CEP131: variants seen among roughly 807,000 people sequenced by gnomAD.
The protein encoded by CEP131 is centrosomal protein of 131 kDa.
Under a neutral mutation model 136.8 loss-of-function variants are expected in CEP131, and 99 were observed. The observed-to-expected ratio is 0.72, with a 90% CI of 0.62 to 0.86. The LOEUF (loss-of-function observed/expected upper bound fraction) is 0.86, where lower values mean the gene tolerates loss of function less well. Among genes scored for constraint, CEP131 ranks in the 40% least tolerant of loss-of-function variants. CEP131 has a pLI of 0.00. For missense variants in CEP131, 1,459 were observed against 1,463.0 expected, an observed-to-expected ratio of 1.00 and a Z score of 0.04; for synonymous variants, 646 against 612.7, an observed-to-expected ratio of 1.05 and a Z score of -0.80.
chr17:81,201,095 C>T (rs1487052313), intron 7 of CEP131, among the ~76,000 whole-genome samples: 1 of 152,122 alleles, frequency 6.6e-6, no homozygotes, highest in Non-Finnish European at 1.5e-5. Context: ...AAAAAAAATG[C>T]TTCACCTTGG....
At chr17:81,212,130 CA>C (rs1303210878) in intron 2 of CEP131, among the ~76,000 whole-genome samples, 1 of 151,184 alleles carries the variant, frequency 6.6e-6, no homozygotes, top group Non-Finnish European at 1.5e-5. Context: ...GCCTGGCCAC[CA>C]TGGTGAAACC....
At chr17:81,199,320 G>A in intron 10 of CEP131, 61 bp downstream of exon 10, 1 of 1,498,152 alleles carries the variant, frequency 6.7e-7, no homozygotes, top group East Asian at 2.4e-5. Context: ...CACAAGGGCT[G>A]CACTTCCTTC....
chr17:81,201,316 C>T (rs8079383), intron 7 of CEP131, among the ~76,000 whole-genome samples: 51,359 of 152,008 alleles, frequency 0.34, 9,269 homozygotes, highest in Non-Finnish European at 0.39. Flanking sequence ...GTGACGGCTC[C>T]GCCAGGAGCA....
At position 81,191,371 on chromosome 17, in the gene CEP131, G is replaced by T. The variant is rs869370; in HGVS notation, c.2623-36C>A. The T allele has an allele frequency of 1.1e-5, 18 of 1,611,358 alleles. No homozygotes were observed. In the African/African-American group the frequency reaches 2.3e-4, roughly 20 times the overall value. On this transcript the variant is annotated intron_variant, in intron 21 of 25. Transcript: ENST00000450824. ...ATGCGCTGCCTGGGGGTTGCCACCCGGAGCCGGCCCGCGGGGCCAGGGCCA... is the reference window on the plus strand; with the variant it reads ...ATGCGCTGCCTGGGGGTTGCCACCCTGAGCCGGCCCGCGGGGCCAGGGCCA...
intron 7 of CEP131, among the ~76,000 whole-genome samples, chr17:81,200,907 C>A (rs2061876749): frequency 6.6e-6 from 1 of 152,164 alleles, no homozygotes; most frequent in African/African-American, 2.4e-5. Flanking sequence ...TGGCTGCTGG[C>A]ATCTGGGCGG....
chr17:81,209,052 G>T (rs760652432), intron 2 of CEP131, 30 bp from the exon 3 acceptor site: 1 of 1,507,064 alleles, frequency 6.6e-7, no homozygotes, highest in Non-Finnish European at 9.2e-7. Flanking sequence ...AGTTAATTAT[G>T]CAGCAAAGGC....
chr17:81,204,867 G>A (rs538757934), intron 5 of CEP131, among the ~76,000 whole-genome samples: 72 of 152,040 alleles, frequency 4.7e-4, no homozygotes, highest in African/African-American at 1.5e-3. Context: ...CTTGGAGCGC[G>A]GCTCATCTGC....
intron 2 of CEP131, among the ~76,000 whole-genome samples, chr17:81,216,658 C>G (rs901732540): frequency 2.0e-5 from 3 of 152,240 alleles, no homozygotes; most frequent in Non-Finnish European, 4.4e-5. Context: ...AGAAACAGAA[C>G]AGTGGCCGCC....
rs190045272 is a variant in CEP131, at chr17:81,211,889, T to C, written c.178-2867A>G. ...TAGAGGTTGTAGTGAGCTATGATAG[T>C]GTCACTGCACTCCAACCTGGGCAAC... On this transcript the variant is annotated intron_variant, in intron 2 of 25. Coordinates refer to ENST00000450824, the MANE Select transcript of CEP131 (RefSeq NM_014984.4). Among the ~76,000 whole-genome samples the C allele has an allele frequency of 3.3e-3, 483 of 145,152 alleles. 1 individual carries two copies. The highest frequency in any genetic ancestry group is 0.012 in the African/African-American group (449 of 38,672).
In CEP131 at chr17:81,210,973, C is replaced by A. The variant is rs147814262; in HGVS notation, c.178-1951G>T. On this transcript the variant is annotated intron_variant, in intron 2 of 25. Coordinates refer to ENST00000450824, the MANE Select transcript of CEP131 (RefSeq NM_014984.4). ...GAAAGTGCAGGCAGGGAGCCCAGCT[C>A]GGCGGCAGCAGAGCCGGTTAAAGGA... Among the ~76,000 whole-genome samples, 504 of 152,222 alleles carry A rather than the reference C, an allele frequency of 3.3e-3. 1 individual carries two copies. The highest frequency in any genetic ancestry group is 0.011 in the African/African-American group (469 of 41,538).
intron 2 of CEP131, among the ~76,000 whole-genome samples, chr17:81,212,770 T>TG (rs770796031): frequency 0.01 from 1,579 of 150,814 alleles, 21 homozygotes; most frequent in South Asian, 0.033. Context: ...TCAGCAAGCG[T>TG]CGGGGGGGCG....
At chr17:81,197,548 A>G in intron 13 of CEP131, 164 bp downstream of exon 13, 1 of 1,081,818 alleles carries the variant, frequency 9.2e-7, no homozygotes, top group Non-Finnish European at 1.3e-6. Context: ...GTACATGGTG[A>G]GGGACCACCT....
At chr17:81,197,537 G>A in intron 13 of CEP131, 175 bp downstream of exon 13, 3 of 963,512 alleles carry the variant, frequency 3.1e-6, no homozygotes, top group Non-Finnish European at 4.5e-6. Flanking sequence ...TAACTAGGTG[G>A]GTACATGGTG....
rs746558111 is a variant in CEP131 at position 81,203,471 on chromosome 17, G to A, written c.629+23C>T. ...AACTGAGGTCGGACCCCGCAGCCCC[G>A]CGGCCTCCCCAGAAGACCTTACTTG... On this transcript the variant is annotated intron_variant, in intron 6 of 25. Transcript: ENST00000450824. This position sits in a 1 kb window ranked among gnomAD's most constrained non-coding sequence, Gnocchi z 4.6. 2.4e-5 allele frequency: 38 copies of A among 1,562,602 alleles called. No individual in the cohort carries two copies. Among genetic ancestry groups the A allele is most frequent in the South Asian group, 4.7e-5 (4 of 85,760 alleles).
In CEP131 at chr17:81,203,920, A is replaced by T; in HGVS notation, c.516-313T>A. 3.1e-6 allele frequency: 1 copy of T among 318,818 alleles called. No homozygotes were observed. The highest frequency in any genetic ancestry group is 5.9e-6 in the Non-Finnish European group (1 of 169,706). 19.7% of individuals were successfully genotyped at this position (318,818 alleles called of 1,614,324 possible). ...GCAGCTCACAATCAGCTTCCAGAGC[A>T]GACTCACAGAAGCGAAGCCCCATCC... On this transcript the variant is annotated intron_variant, in intron 5 of 25. Transcript: ENST00000450824. The surrounding 1 kb of genome is among the most constrained non-coding windows in gnomAD (Gnocchi z 4.6).
Position 81,198,895 on chromosome 17 carries a change from A to T in CEP131, c.1269T>A (p.Pro423=). 1 of 1,590,022 alleles carries T rather than the reference A, an allele frequency of 6.3e-7. No homozygotes were observed. ...TSDSSPEPQQ[P]PEDRTQDVLA... is the part of the protein sequence containing the mutation. Reference sequence around the variant, plus strand: ...CTCAGACCTGCGTCCTGTCCTCTGGAGGCTGCTGTGGTTCTGGGGATGAGT... The same window carrying T: ...CTCAGACCTGCGTCCTGTCCTCTGGTGGCTGCTGTGGTTCTGGGGATGAGT... The change falls in exon 11 of 26, where the codon CCT becomes CCA. Residue 423 remains proline (P), a synonymous_variant. Coordinates refer to ENST00000450824, the MANE Select transcript of CEP131 (RefSeq NM_014984.4).
In CEP131 at chr17:81,192,737, T is replaced by A; in HGVS notation, c.2428A>T (p.Arg810Trp). 1 of 1,573,028 alleles carries A rather than the reference T, an allele frequency of 6.4e-7. No individual in the cohort carries two copies. The highest frequency in any genetic ancestry group is 2.2e-5 in the East Asian group (1 of 44,658). The change falls in exon 19 of 26, where the codon AGG becomes TGG. Residue 810 changes from arginine (R) to tryptophan (W), a missense_variant and splice_region_variant. This residue lies in a region of CEP131 where 1,026 missense variants were observed against 964.2 expected (regional missense o/e 1.06). Transcript: ENST00000450824. ...ERERLGQQAA[R>W]QRAELEELRQ... ...GGGCGTGGTGCCCCCGGGCGGCACC[T>A]GGCTGCCTGCTGGCCCAGCCGCTCC... is the stretch of plus-strand genomic sequence containing the variant.
At chr17:81,194,643 A>C (rs111931648) in intron 17 of CEP131, among the ~76,000 whole-genome samples, 2 of 152,004 alleles carry the variant, frequency 1.3e-5, no homozygotes, top group African/African-American at 4.8e-5. Flanking sequence ...GCAACTGCCT[A>C]GATGCTGGGG....
chr17:81,195,739 G>A (rs2061740079), intron 16 of CEP131, 96 bp downstream of exon 16: 1 of 1,070,048 alleles, frequency 9.3e-7, no homozygotes, highest in African/African-American at 1.6e-5. Context: ...ACAGGAATGA[G>A]GACTCCAAGT....
Sources: gnomAD v4.1 joint callset for allele counts (sites outside exome capture counted in the v4.1 genomes callset) on GRCh38, gnomAD v4.1.1 for gene constraint, gnomAD v4.1.1 regional missense constraint, Gnocchi (gnomAD v3.1) non-coding constraint, MANE v1.5 for transcripts, NCBI Gene and HGNC (gene_info 2026-07-23, HGNC 2026-07-21) for gene names.